The following AP3B2 variants were observed in gnomAD, a reference collection of about 807,000 sequenced individuals.
The protein encoded by AP3B2 is adaptor related protein complex 3 subunit beta 2, also known as AP-3 complex subunit beta-2.
Under a neutral mutation model 126.9 loss-of-function variants are expected in AP3B2, and 50 were observed. That is an observed-to-expected ratio of 0.39 (90% CI 0.31 to 0.50). The LOEUF is 0.50. Among genes scored for constraint, AP3B2 ranks in the 20% least tolerant of loss-of-function variants. AP3B2 has a pLI of 0.79. For synonymous variants in AP3B2, 541 were observed against 565.0 expected (o/e 0.96, Z 0.60); for missense variants, 1,177 against 1,426.4 (o/e 0.83, Z 2.82).
intron 14 of AP3B2, among the ~76,000 whole-genome samples, chr15:82,667,909 C>T (rs1244205804): frequency 6.6e-6 from 1 of 152,132 alleles, no homozygotes; most frequent in African/African-American, 2.4e-5. Flanking sequence ...CCCAGGTCTC[C>T]ATGTTTCCAT....
chr15:82,694,599 C>G (rs528733624), intron 1 of AP3B2, among the ~76,000 whole-genome samples: 3 of 151,808 alleles, frequency 2.0e-5, no homozygotes, highest in South Asian at 2.1e-4. Flanking sequence ...GTGGGAGGAT[C>G]GCTTGCACCA....
intron 15 of AP3B2, 106 bp downstream of exon 15, chr15:82,666,641 C>T: frequency 7.7e-7 from 1 of 1,306,092 alleles, no homozygotes; most frequent in Non-Finnish European, 1.0e-6. Flanking sequence ...GGACTGTCCA[C>T]AGAAGCCTGG....
At chr15:82,667,570 G>A (rs1281230868) in intron 14 of AP3B2, among the ~76,000 whole-genome samples, 1 of 152,180 alleles carries the variant, frequency 6.6e-6, no homozygotes, top group Non-Finnish European at 1.5e-5. Flanking sequence ...AGCTACAACT[G>A]CAGACCTAAA....
intron 1 of AP3B2, chr15:82,692,417 G>A (rs2048554627): frequency 2.2e-6 from 1 of 456,630 alleles, no homozygotes; most frequent in East Asian, 4.5e-5. Context: ...CGGGCTCTGA[G>A]GCGCTCAGCC....
rs1004167191 is a variant in AP3B2 at position 82,681,792 on chromosome 15, C to G, written c.361-212G>C. On this transcript the variant is annotated intron_variant, in intron 4 of 26. Coordinates refer to ENST00000535359, the MANE Select transcript of AP3B2 (RefSeq NM_001278512.2). The surrounding 1 kb of genome is among the most constrained non-coding windows in gnomAD (Gnocchi z 4.0). ...AAATCTGACACCTGAACAGGTGTTG[C>G]AATGGGTAGCTTCACTTCCAGAAAC... 2.0e-5 allele frequency among the ~76,000 whole-genome samples: 3 copies of G among 152,146 alleles called. No homozygotes were observed. The highest frequency in any genetic ancestry group is 4.4e-5 in the Non-Finnish European group (3 of 68,030).
intron 20 of AP3B2, 63 bp downstream of exon 20, chr15:82,663,738 G>C: frequency 1.3e-6 from 2 of 1,597,224 alleles, no homozygotes; most frequent in Non-Finnish European, 1.7e-6. Context: ...TCTGGGCCTG[G>C]CCCAGAGGTT....
At chr15:82,670,673 G>A (rs943209340) in intron 14 of AP3B2, among the ~76,000 whole-genome samples, 5 of 152,130 alleles carry the variant, frequency 3.3e-5, no homozygotes, top group Non-Finnish European at 5.9e-5. Flanking sequence ...TACCCCACAA[G>A]CACGGGCAAC....
In AP3B2 at chr15:82,680,196, G is replaced by A. The variant is rs754725650; in HGVS notation, c.1089C>T (p.Ala363=). The A allele has an allele frequency of 6.2e-7, 1 of 1,613,560 alleles. No homozygotes were observed. The change falls in exon 9 of 27, where the codon GCC becomes GCT. Residue 363 remains alanine (A), a synonymous_variant. Coordinates refer to ENST00000535359, the MANE Select transcript of AP3B2 (RefSeq NM_001278512.2). This position sits in a 1 kb window ranked among gnomAD's most constrained non-coding sequence, Gnocchi z 6.1. ...EVQYVVLQNV[A]TMSIKRRGMF... is the part of the protein sequence containing the mutation. Reference sequence around the variant, plus strand: ...TCACCCGGCGCTTGATGGACATGGTGGCCACGTTCTGGAGCACAACGTACT... The same window carrying A: ...TCACCCGGCGCTTGATGGACATGGTAGCCACGTTCTGGAGCACAACGTACT...
chr15:82,687,023 A>G (rs948558953), intron 4 of AP3B2: 10 of 152,204 alleles, frequency 6.6e-5, no homozygotes, highest in African/African-American at 2.2e-4. Context: ...ACCCAGCCTG[A>G]AATCAATTTT....
intron 13 of AP3B2, 66 bp from the exon 14 acceptor site, chr15:82,676,703 T>C: frequency 6.5e-7 from 1 of 1,536,796 alleles, no homozygotes; most frequent in South Asian, 1.2e-5. Flanking sequence ...GATTGTGGAC[T>C]TCCAGGGAAA....
Position 82,677,666 on chromosome 15 carries a change from C to G in AP3B2, c.1378+5G>C, listed in dbSNP as rs980382564. The G allele has an allele frequency of 1.3e-6, 2 of 1,534,412 alleles. No individual in the cohort carries two copies. Among genetic ancestry groups the G allele is most frequent in the Non-Finnish European group, 1.8e-6 (2 of 1,139,850 alleles). ...TCACGGTTAGACACTCAGGGAAACA[C>G]TGACCATCACGGTTGGACAGCAGCT... On this transcript the variant is annotated splice_donor_5th_base_variant and intron_variant, in intron 12 of 26. Transcript: ENST00000535359.
At chr15:82,671,521 G>A (rs900198651) in intron 14 of AP3B2, among the ~76,000 whole-genome samples, 2 of 147,946 alleles carry the variant, frequency 1.4e-5, no homozygotes, top group Admixed American at 6.7e-5. Context: ...GGTGGATCGC[G>A]AGGTCAAGAG....
chr15:82,681,742 CACTT>C lies in AP3B2; in HGVS notation c.361-166_361-163del. 1 of 781,496 alleles carries C rather than the reference CACTT, an allele frequency of 1.3e-6. No homozygotes were observed. The highest frequency in any genetic ancestry group is 2.0e-6 in the Non-Finnish European group (1 of 504,564). 48.4% of individuals were successfully genotyped at this position (781,496 alleles called of 1,614,324 possible). On this transcript the variant is annotated intron_variant, in intron 4 of 26. Coordinates refer to ENST00000535359, the MANE Select transcript of AP3B2 (RefSeq NM_001278512.2). This position sits in a 1 kb window ranked among gnomAD's most constrained non-coding sequence, Gnocchi z 4.0. ...GTGCCAGTGATGGGTATCTGGGGGA[CACTT>C]AATTTTGGCTCTGGTTGCAGAAATC...
Position 82,659,466 on chromosome 15 carries a change from T to C in AP3B2, c.*94A>G. The C allele has an allele frequency of 1.3e-6, 2 of 1,505,174 alleles. No homozygotes were observed. The highest frequency in any genetic ancestry group is 1.2e-5 in the South Asian group (1 of 82,416). The allele number at this position is 1,505,174 out of a possible 1,614,324, so 93.2% of individuals were successfully genotyped here. A position where few individuals can be genotyped will look rare whatever the true frequency, so the allele number is the denominator to read the frequency against. On this transcript the variant is annotated 3_prime_UTR_variant, in exon 27 of 27. Coordinates refer to ENST00000535359, the MANE Select transcript of AP3B2 (RefSeq NM_001278512.2). ...TGAATGCTATCTGGCATGAGGAGGA[T>C]GATGAGAGAGAGAGAGAAAGATGAG...
chr15:82,691,450 A>G (rs940874345), intron 1 of AP3B2, among the ~76,000 whole-genome samples: 1 of 152,194 alleles, frequency 6.6e-6, no homozygotes, highest in Non-Finnish European at 1.5e-5. Flanking sequence ...TCCATAGCAG[A>G]GCAACCCACA....
At chr15:82,703,247 G>C (rs2048747304) in intron 1 of AP3B2, among the ~76,000 whole-genome samples, 1 of 151,864 alleles carries the variant, frequency 6.6e-6, no homozygotes, top group South Asian at 2.1e-4. Flanking sequence ...CCACTTTTTG[G>C]GGGGCAAGTA....
chr15:82,676,117 T>C (rs1431717), intron 14 of AP3B2, among the ~76,000 whole-genome samples: 31,241 of 152,116 alleles, frequency 0.21, 3,899 homozygotes, highest in South Asian at 0.35. Context: ...CTGGGATGCA[T>C]GTTCTCCCAT....
At chr15:82,682,047 C>CTTT (rs769028602) in intron 4 of AP3B2, among the ~76,000 whole-genome samples, 1,596 of 79,876 alleles carry the variant, frequency 0.02, 97 homozygotes, top group Non-Finnish European at 0.025. Flanking sequence ...TAGGCCCTTC[C>CTTT]TTTTTTTTTT....
At position 82,680,820 on chromosome 15, in the gene AP3B2, G is replaced by C. The variant is rs1016394556; in HGVS notation, c.771+17C>G. ...GGACACACTTCGGCCCGCTCTGCCT[G>C]GGCTGGGCCCACTTACGTTCTGGGT... On this transcript the variant is annotated intron_variant, in intron 7 of 26. Coordinates refer to ENST00000535359, the MANE Select transcript of AP3B2 (RefSeq NM_001278512.2). The surrounding 1 kb of genome is among the most constrained non-coding windows in gnomAD (Gnocchi z 6.1). The C allele has an allele frequency of 1.1e-5, 17 of 1,613,190 alleles. No individual in the cohort carries two copies. Among genetic ancestry groups the C allele is most frequent in the Non-Finnish European group, 1.4e-5 (16 of 1,179,574 alleles).
Sources: allele counts gnomAD v4.1 joint callset (sites outside exome capture counted in the v4.1 genomes callset), GRCh38; gene constraint gnomAD v4.1.1; non-coding constraint Gnocchi (gnomAD v3.1); transcripts MANE v1.5; gene names NCBI Gene and HGNC (gene_info 2026-07-23, HGNC 2026-07-21).